NGF: variants seen among roughly 807,000 people sequenced by gnomAD.
The protein encoded by NGF is beta-nerve growth factor.
In NGF, 4 loss-of-function variants were observed where a neutral mutation model predicts 12.8. That is an observed-to-expected ratio of 0.31 (90% CI 0.15 to 0.72). The LOEUF is 0.72. NGF is among the 30% of genes least tolerant of loss of function. The pLI is 0.69. For missense variants in NGF, 283 were observed against 330.8 expected (o/e 0.86, Z 1.12); for synonymous variants, 140 against 130.0 (o/e 1.08, Z -0.52).
At chr1:115,331,015 C>T (rs1654908227) in intron 1 of NGF, among the ~76,000 whole-genome samples, 1 of 152,062 alleles carries the variant, frequency 6.6e-6, no homozygotes, top group Admixed American at 6.6e-5. Context: ...GAAAAATAAC[C>T]CAGACCTCCT....
chr1:115,337,625 C>A (rs1238362100), intron 1 of NGF, among the ~76,000 whole-genome samples: 1 of 152,078 alleles, frequency 6.6e-6, no homozygotes, highest in East Asian at 1.9e-4. Context: ...ACCCCCGGGG[C>A]CCTCAGTCAC....
At chr1:115,287,919 G>A (rs528691815) in intron 2 of NGF, among the ~76,000 whole-genome samples, 17 of 152,280 alleles carry the variant, frequency 1.1e-4, no homozygotes, top group East Asian at 3.9e-4. Context: ...TGGCCTCCGC[G>A]GAGCTCCTAT....
At chr1:115,297,896 C>G (rs12058002) in intron 1 of NGF, among the ~76,000 whole-genome samples, 12,939 of 152,250 alleles carry the variant, frequency 0.085, 1,219 homozygotes, top group African/African-American at 0.23. Flanking sequence ...GCCTGGGCAT[C>G]AGGAATTTGT....
chr1:115,321,087 C>G (rs1654611601), intron 1 of NGF, among the ~76,000 whole-genome samples: 3 of 152,218 alleles, frequency 2.0e-5, no homozygotes, highest in Admixed American at 2.0e-4. Context: ...GAAGCCTGCT[C>G]TGCCCACTAA....
At position 115,286,725 on chromosome 1, in the gene NGF, C is replaced by T; in HGVS notation, c.71G>A (p.Ser24Asn). 1 of 1,614,196 alleles carries T rather than the reference C, an allele frequency of 6.2e-7. No individual in the cohort carries two copies. Among genetic ancestry groups the T allele is most frequent in the Non-Finnish European group, 8.5e-7 (1 of 1,180,036 alleles). ...IGIQAEPHSE[S>N]NVPAGHTIPQ... ...GATGGTGTGTCCTGCAGGGACATTG[C>T]TCTCTGAGTGTGGTTCCGCCTGTAT... The change falls in exon 3 of 3, where the codon AGC becomes AAC. Residue 24 changes from serine to asparagine, a missense_variant. Ser to Asn is a conservative substitution (Grantham distance 46). Coordinates refer to ENST00000369512, the MANE Select transcript of NGF (RefSeq NM_002506.3).
intron 1 of NGF, among the ~76,000 whole-genome samples, chr1:115,300,869 C>T (rs1338941046): frequency 6.6e-6 from 1 of 152,274 alleles, no homozygotes; most frequent in East Asian, 1.9e-4. Flanking sequence ...CACATGGGCT[C>T]CTATTATGCA....
intron 1 of NGF, among the ~76,000 whole-genome samples, chr1:115,317,869 T>C (rs1654512913): frequency 1.3e-5 from 2 of 152,172 alleles, no homozygotes; most frequent in South Asian, 2.1e-4. Context: ...CATAATAACA[T>C]AAACAAGTTA....
intron 2 of NGF, among the ~76,000 whole-genome samples, chr1:115,290,817 G>T (rs1331066449): frequency 2.6e-5 from 4 of 152,090 alleles, no homozygotes; most frequent in African/African-American, 7.2e-5. Context: ...GTTGCCCCCA[G>T]GTGACCTAGA....
At chr1:115,310,221 A>G (rs1372401564) in intron 1 of NGF, among the ~76,000 whole-genome samples, 2 of 152,220 alleles carry the variant, frequency 1.3e-5, no homozygotes, top group African/African-American at 4.8e-5. Flanking sequence ...CCAGGCCTGG[A>G]AGTAAATATG....
intron 1 of NGF, among the ~76,000 whole-genome samples, chr1:115,337,256 G>GT (rs1364127314): frequency 6.2e-4 from 17 of 27,204 alleles, no homozygotes; most frequent in African/African-American, 2.3e-3. Flanking sequence ...AATTTTTTTT[G>GT]TTTTGTTTTT....
chr1:115,311,412 TG>T, intron 1 of NGF, among the ~76,000 whole-genome samples: 1 of 152,316 alleles, frequency 6.6e-6, no homozygotes, highest in Non-Finnish European at 1.5e-5. Flanking sequence ...TGATGCTTTA[TG>T]TATTTGAGAA....
intron 1 of NGF, among the ~76,000 whole-genome samples, chr1:115,321,476 A>C (rs1257871627): frequency 6.6e-6 from 1 of 151,978 alleles, no homozygotes; most frequent in African/African-American, 2.4e-5. Context: ...TTCTTTCAAC[A>C]CTAGGATTCT....
At chr1:115,307,633 C>G (rs376163112) in intron 1 of NGF, among the ~76,000 whole-genome samples, 3 of 152,328 alleles carry the variant, frequency 2.0e-5, no homozygotes, top group South Asian at 2.1e-4. Context: ...CCAAAAGAAC[C>G]CAGATTTCAC....
intron 1 of NGF, among the ~76,000 whole-genome samples, chr1:115,332,886 C>A (rs1444746037): frequency 6.6e-6 from 1 of 152,184 alleles, no homozygotes; most frequent in Non-Finnish European, 1.5e-5. Flanking sequence ...TGGCATCACT[C>A]ATACACAATG....
intron 1 of NGF, among the ~76,000 whole-genome samples, chr1:115,298,405 G>C (rs779484315): frequency 6.6e-6 from 1 of 152,096 alleles, no homozygotes; most frequent in Admixed American, 6.5e-5. Context: ...GACAGACTCC[G>C]AGTAAGGACT....
chr1:115,300,298 G>A (rs561235329), intron 1 of NGF, among the ~76,000 whole-genome samples: 119 of 152,282 alleles, frequency 7.8e-4, no homozygotes, highest in South Asian at 2.3e-3. Context: ...GGATTCTAGT[G>A]CTTTAAAAAA....
At chr1:115,322,566 C>T (rs919224884) in intron 1 of NGF, among the ~76,000 whole-genome samples, 1 of 152,068 alleles carries the variant, frequency 6.6e-6, no homozygotes, top group African/African-American at 2.4e-5. Context: ...CCAGGTTGGA[C>T]CTGTCTAAAT....
In NGF at chr1:115,286,755, A is replaced by G; in HGVS notation, c.41T>C (p.Ile14Thr). The change falls in exon 3 of 3, where the codon ATC (isoleucine) becomes ACC (threonine). Residue 14 changes from isoleucine (I) to threonine (T), a missense_variant. Ile to Thr is a moderately conservative substitution (Grantham distance 89, BLOSUM62 -1). Coordinates refer to ENST00000369512, the MANE Select transcript of NGF (RefSeq NM_002506.3). ...TGAGTGTGGTTCCGCCTGTATGCCG[A>G]TCAGAAAAGCTGTGATCAGAGTGTA... is the stretch of plus-strand genomic sequence containing the variant. ...LFYTLITAFL[I>T]GIQAEPHSES... is the part of the protein sequence containing the mutation. 1 of 1,614,172 alleles carries G rather than the reference A, an allele frequency of 6.2e-7. No homozygotes were observed. The highest frequency in any genetic ancestry group is 8.5e-7 in the Non-Finnish European group (1 of 1,180,038).
intron 1 of NGF, among the ~76,000 whole-genome samples, chr1:115,315,774 C>T (rs140803298): frequency 5.5e-4 from 83 of 152,144 alleles, no homozygotes; most frequent in Non-Finnish European, 8.5e-4. Flanking sequence ...ATAGGGAGTA[C>T]GAAGAACGAG....
Sources: allele counts gnomAD v4.1 joint callset (sites outside exome capture counted in the v4.1 genomes callset), GRCh38; gene constraint gnomAD v4.1.1; transcripts MANE v1.5; gene names NCBI Gene and HGNC (gene_info 2026-07-23, HGNC 2026-07-21).